Variants in NARS2 observed in about 807,000 individuals in gnomAD.
NARS2 encodes asparaginyl-tRNA synthetase.
In NARS2, 60 loss-of-function variants were observed where a neutral mutation model predicts 62.9. That is an observed-to-expected ratio of 0.95 (90% CI 0.77 to 1.18). The LOEUF (loss-of-function observed/expected upper bound fraction) is 1.18, where lower values mean the gene tolerates loss of function less well. Among genes scored for constraint, NARS2 ranks in the 50% most tolerant of loss-of-function variants. The pLI is 0.00. For synonymous variants in NARS2, 196 were observed against 200.0 expected, an observed-to-expected ratio of 0.98 and a Z score of 0.17; for missense variants, 619 against 576.4, an observed-to-expected ratio of 1.07 and a Z score of -0.76.
At chr11:78,536,580 GAAT>G (rs1855353890) in intron 5 of NARS2, among the ~76,000 whole-genome samples, 1 of 151,908 alleles carries the variant, frequency 6.6e-6, no homozygotes, top group Admixed American at 6.6e-5. Flanking sequence ...AAAGCTTATA[GAAT>G]AATGAAAGAA....
intron 6 of NARS2, among the ~76,000 whole-genome samples, chr11:78,512,772 T>A (rs941997621): frequency 6.6e-5 from 10 of 152,304 alleles, no homozygotes; most frequent in South Asian, 2.1e-4. Flanking sequence ...TAAAAAATTT[T>A]AAAATTTTTT....
At chr11:78,518,726 C>T (rs1365535741) in intron 6 of NARS2, among the ~76,000 whole-genome samples, 1 of 152,024 alleles carries the variant, frequency 6.6e-6, no homozygotes, top group African/African-American at 2.4e-5. Flanking sequence ...ACGGTGTTAG[C>T]CAGGATAGTC....
intron 7 of NARS2, among the ~76,000 whole-genome samples, chr11:78,481,149 A>C (rs1303216600): frequency 1.3e-5 from 2 of 152,210 alleles, no homozygotes; most frequent in Admixed American, 6.5e-5. Flanking sequence ...AAAAAATATA[A>C]GGTAAACCAC....
At chr11:78,491,275 C>G (rs556094661) in intron 7 of NARS2, among the ~76,000 whole-genome samples, 12 of 152,364 alleles carry the variant, frequency 7.9e-5, no homozygotes, top group African/African-American at 2.4e-4. Context: ...CACTCTCCCC[C>G]TTCCCTGCCC....
chr11:78,485,857 G>A lies in NARS2; in HGVS notation c.823-7174C>T, dbSNP rs1442348775. ...GACTGCTGTTTTGAAGAGCGTGGAT[G>A]TGGGTAATCTCTATTATTATTACTA... On this transcript the variant is annotated intron_variant, in intron 7 of 13. Coordinates refer to ENST00000281038, the MANE Select transcript of NARS2 (RefSeq NM_024678.6). Among the ~76,000 whole-genome samples, 4 of 152,222 alleles carry A rather than the reference G, an allele frequency of 2.6e-5. No individual in the cohort carries two copies. In the East Asian group the frequency reaches 7.7e-4, roughly 29 times the overall value.
rs896428673 is a variant in NARS2 at position 78,443,811 on chromosome 11, T to A, written c.1165-53A>T. ...TTATATTTTCAGGTGATTCCAACAGTCAGTTTCTGAAGCAAGTAAACCTTT... is the reference window on the plus strand; with the variant it reads ...TTATATTTTCAGGTGATTCCAACAGACAGTTTCTGAAGCAAGTAAACCTTT... On this transcript the variant is annotated intron_variant, in intron 11 of 13. Coordinates refer to ENST00000281038, the MANE Select transcript of NARS2 (RefSeq NM_024678.6). The A allele has an allele frequency of 3.9e-5, 53 of 1,348,564 alleles. No homozygotes were observed. The East Asian group carries it at 1.2e-3, about 31-fold the overall frequency. 83.5% of individuals were successfully genotyped at this position (1,348,564 alleles called of 1,614,324 possible).
intron 5 of NARS2, among the ~76,000 whole-genome samples, chr11:78,534,294 T>C (rs756562907): frequency 6.6e-6 from 1 of 152,230 alleles, no homozygotes; most frequent in Non-Finnish European, 1.5e-5. Context: ...TTTGGTGTTG[T>C]CAGTGTTATG....
At chr11:78,443,056 T>C (rs1438263322) in intron 12 of NARS2, among the ~76,000 whole-genome samples, 1 of 152,134 alleles carries the variant, frequency 6.6e-6, no homozygotes, top group Non-Finnish European at 1.5e-5. Context: ...CCAGGTGCGG[T>C]GGCTCATGCC....
intron 5 of NARS2, among the ~76,000 whole-genome samples, chr11:78,538,812 G>C (rs952205888): frequency 2.0e-5 from 3 of 151,256 alleles, no homozygotes; most frequent in Admixed American, 2.0e-4. Flanking sequence ...TGGCTAACAC[G>C]GTGAAACCCC....
intron 5 of NARS2, among the ~76,000 whole-genome samples, chr11:78,542,182 GA>G (rs1855645449): frequency 6.6e-6 from 1 of 152,168 alleles, no homozygotes. Flanking sequence ...ACAACTATTT[GA>G]TCAGCAGGAA....
At chr11:78,552,948 C>T (rs758318859) in intron 5 of NARS2, among the ~76,000 whole-genome samples, 15 of 152,112 alleles carry the variant, frequency 9.9e-5, no homozygotes, top group African/African-American at 3.4e-4. Context: ...TGATAAAATG[C>T]TTTATATTCC....
At chr11:78,449,112 C>A (rs1321216975) in intron 11 of NARS2, among the ~76,000 whole-genome samples, 3 of 146,246 alleles carry the variant, frequency 2.1e-5, no homozygotes, top group Admixed American at 2.0e-4. Flanking sequence ...GTTTCTAAAC[C>A]TTTTGAGTCA....
Position 78,436,458 on chromosome 11 carries a change from T to C in NARS2, c.*212A>G, listed in dbSNP as rs901349366. The C allele has an allele frequency of 1.9e-6, 1 of 537,592 alleles. No individual in the cohort carries two copies. Among genetic ancestry groups the C allele is most frequent in the Non-Finnish European group, 3.3e-6 (1 of 303,376 alleles). 33.3% of individuals were successfully genotyped at this position (537,592 alleles called of 1,614,324 possible). On this transcript the variant is annotated 3_prime_UTR_variant, in exon 14 of 14. Coordinates refer to ENST00000281038, the MANE Select transcript of NARS2 (RefSeq NM_024678.6). Reference sequence around the variant, plus strand: ...GATTTGAGAGTCCCCTTGCTATAAGTACCTCTTCTTGCGGGAGCTCATCCT... The same window carrying C: ...GATTTGAGAGTCCCCTTGCTATAAGCACCTCTTCTTGCGGGAGCTCATCCT...
At chr11:78,443,561 G>A (rs1423050790) in intron 12 of NARS2, 100 bp downstream of exon 12, 3 of 663,648 alleles carry the variant, frequency 4.5e-6, no homozygotes, top group East Asian at 2.7e-5. Flanking sequence ...TCTGTCAGGC[G>A]CCGAGGCCCA....
chr11:78,553,374 C>T (rs1238088897), intron 5 of NARS2, among the ~76,000 whole-genome samples: 2 of 152,056 alleles, frequency 1.3e-5, no homozygotes, highest in Non-Finnish European at 2.9e-5. Flanking sequence ...CTGCAACCTG[C>T]ACCTCCCGGG....
intron 6 of NARS2, among the ~76,000 whole-genome samples, chr11:78,517,740 C>T (rs1000991726): frequency 6.6e-6 from 1 of 152,302 alleles, no homozygotes; most frequent in Admixed American, 6.5e-5. Flanking sequence ...AAAGCCATTG[C>T]ACTTGCTGAT....
chr11:78,486,275 ATCTG>A (rs1376130587), intron 7 of NARS2, among the ~76,000 whole-genome samples: 2 of 152,014 alleles, frequency 1.3e-5, no homozygotes, highest in African/African-American at 2.4e-5. Context: ...CCTGGGAGAA[ATCTG>A]TCTTTCTGGC....
intron 13 of NARS2, among the ~76,000 whole-genome samples, chr11:78,439,927 G>C (rs1857524099): frequency 6.6e-6 from 1 of 152,214 alleles, no homozygotes; most frequent in Non-Finnish European, 1.5e-5. Flanking sequence ...GAATGTATAA[G>C]TACAGACACG....
intron 4 of NARS2, among the ~76,000 whole-genome samples, chr11:78,564,334 T>C (rs1856667258): frequency 6.6e-6 from 1 of 152,142 alleles, no homozygotes; most frequent in African/African-American, 2.4e-5. Flanking sequence ...TAGGTGGGAC[T>C]ATAGGCACAT....
Sources: allele counts gnomAD v4.1 joint callset (sites outside exome capture counted in the v4.1 genomes callset), GRCh38; gene constraint gnomAD v4.1.1; transcripts MANE v1.5; gene names NCBI Gene and HGNC (gene_info 2026-07-23, HGNC 2026-07-21).